VASP: variants seen among roughly 807,000 people sequenced by gnomAD.
VASP encodes the protein vasodilator-stimulated phosphoprotein.
A neutral mutation model predicts 54.4 loss-of-function variants in VASP; 27 were observed. That is an observed-to-expected ratio of 0.50 (90% confidence interval 0.37 to 0.68). The LOEUF is 0.68. VASP is among the 30% of genes least tolerant of loss of function. The pLI, the probability that VASP is intolerant of heterozygous loss-of-function variation, is 0.00. For missense variants in VASP, 488 were observed against 528.3 expected (o/e 0.92, Z 0.75); for synonymous variants, 233 against 209.8 (o/e 1.11, Z -0.96).
At chr19:45,509,683 C>T (rs1396771409) in intron 1 of VASP, among the ~76,000 whole-genome samples, 2 of 152,224 alleles carry the variant, frequency 1.3e-5, no homozygotes, top group Non-Finnish European at 2.9e-5. Context: ...CCACTCCCAC[C>T]TTTCCAGGGG....
chr19:45,523,623 T>C, intron 7 of VASP, 21 bp from the exon 8 acceptor site: 2 of 1,613,720 alleles, frequency 1.2e-6, no homozygotes, highest in Non-Finnish European at 1.7e-6. Flanking sequence ...AAGCACGTGT[T>C]TTTGCTTTTC....
At chr19:45,509,398 C>T (rs893313600) in intron 1 of VASP, among the ~76,000 whole-genome samples, 33 of 152,172 alleles carry the variant, frequency 2.2e-4, no homozygotes, top group African/African-American at 7.7e-4. Context: ...TCCACCCCCC[C>T]TCGCGTTTCC....
intron 3 of VASP, among the ~76,000 whole-genome samples, chr19:45,519,750 C>T (rs1568388656): frequency 1.4e-5 from 2 of 142,390 alleles, no homozygotes; most frequent in Admixed American, 6.7e-5. Flanking sequence ...CACCCGCCAC[C>T]ACATCCAGCT....
chr19:45,521,486 A>G, intron 4 of VASP, 80 bp downstream of exon 4: 1 of 1,286,576 alleles, frequency 7.8e-7, no homozygotes, highest in Non-Finnish European at 1.1e-6. Context: ...CCTAGAGTTC[A>G]GAACCCAGCC....
In VASP at chr19:45,526,046, T is replaced by C. The variant is rs538482733; in HGVS notation, c.1105+43T>C. Reference sequence around the variant, plus strand: ...GGTTTTGTTCTTAAACATTTACTTATTTTGGAGGCATCATGTCCCTGGGCA... The same window carrying C: ...GGTTTTGTTCTTAAACATTTACTTACTTTGGAGGCATCATGTCCCTGGGCA... On this transcript the variant is annotated intron_variant, in intron 12 of 12. Coordinates refer to ENST00000245932, the MANE Select transcript of VASP (RefSeq NM_003370.4). The C allele has an allele frequency of 3.7e-6, 6 of 1,613,376 alleles. No individual in the cohort carries two copies. In the African/African-American group the frequency reaches 8.0e-5, roughly 22 times the overall value.
rs1477173251 is a variant in VASP, at chr19:45,523,782, A to G, written c.874-59A>G. Reference sequence around the variant, plus strand: ...GGGATGTGTGGGGTTTGAACCTGAAAGAGGAAATGGGCAGAGGTGTGGCAG... The same window carrying G: ...GGGATGTGTGGGGTTTGAACCTGAAGGAGGAAATGGGCAGAGGTGTGGCAG... On this transcript the variant is annotated intron_variant, in intron 8 of 12. Transcript: ENST00000245932. 17 of 1,613,940 alleles carry G rather than the reference A, an allele frequency of 1.1e-5. No homozygotes were observed. The Admixed American group carries it at 2.2e-4, about 21-fold the overall frequency.
At chr19:45,513,503 G>A (rs572000055) in intron 1 of VASP, among the ~76,000 whole-genome samples, 21 of 114,670 alleles carry the variant, frequency 1.8e-4, no homozygotes, top group African/African-American at 6.6e-4. Flanking sequence ...ACAGAGTCTC[G>A]CTCTGTCTCC....
intron 1 of VASP, among the ~76,000 whole-genome samples, chr19:45,514,376 G>A (rs1968659884): frequency 6.8e-6 from 1 of 146,788 alleles, no homozygotes; most frequent in Non-Finnish European, 1.5e-5. Flanking sequence ...CACCTTGTAG[G>A]TTTTTGTTAG....
At chr19:45,523,223 G>A (rs60414600) in intron 7 of VASP, among the ~76,000 whole-genome samples, 6 of 52,828 alleles carry the variant, frequency 1.1e-4, no homozygotes, top group Middle Eastern at 0.02. Flanking sequence ...TTTTTTTTGA[G>A]ATGGAGTCTT....
intron 3 of VASP, 40 bp downstream of exon 3, chr19:45,518,134 G>C: frequency 6.3e-7 from 1 of 1,596,398 alleles, no homozygotes. Context: ...AGTGAATGCG[G>C]CTGTGTGGCC....
chr19:45,525,962 T>C lies in VASP; in HGVS notation c.1064T>C (p.Val355Ala). The change falls in exon 12 of 13, where the codon GTG (valine) becomes GCG (alanine). Residue 355 changes from valine (V) to alanine (A), a missense_variant. Physicochemically the swap from Val to Ala is moderately conservative, Grantham distance 64 (BLOSUM62 0). Around this residue, in one of 4 missense-constraint regions of VASP, gnomAD observed 126 missense variants for 134.8 expected, o/e 0.94. Transcript: ENST00000245932. ...QRVKQELLEE[V>A]KKELQKVKEE... is the part of the protein sequence containing the mutation. ...TAATTTTAGGAGCTTCTGGAAGAGGTGAAGAAGGAATTGCAGAAAGTGAAA... is the reference window on the plus strand; with the variant it reads ...TAATTTTAGGAGCTTCTGGAAGAGGCGAAGAAGGAATTGCAGAAAGTGAAA... The C allele has an allele frequency of 6.2e-7, 1 of 1,613,964 alleles. No homozygotes were observed. Among genetic ancestry groups the C allele is most frequent in the Non-Finnish European group, 8.5e-7 (1 of 1,179,960 alleles).
intron 1 of VASP, among the ~76,000 whole-genome samples, chr19:45,515,262 A>G (rs934886573): frequency 6.6e-6 from 1 of 151,852 alleles, no homozygotes; most frequent in Non-Finnish European, 1.5e-5. Context: ...CTGACCACCA[A>G]CTTCCCCATT....
At position 45,510,661 on chromosome 19, in the gene VASP, C is replaced by T. The variant is rs377537057; in HGVS notation, c.5+2885C>T. ...ATTAAACTCAAACAGGGCCAGGCGC[C>T]GGGGCTCATGCCTGTAATCCTAACA... On this transcript the variant is annotated intron_variant, in intron 1 of 12. Transcript: ENST00000245932. Among the ~76,000 whole-genome samples, 61 of 152,206 alleles carry T rather than the reference C, an allele frequency of 4.0e-4. 1 individual carries two copies. The South Asian group carries it at 0.012, about 31-fold the overall frequency.
At chr19:45,508,679 A>G (rs981285181) in intron 1 of VASP, among the ~76,000 whole-genome samples, 1 of 152,068 alleles carries the variant, frequency 6.6e-6, no homozygotes, top group Non-Finnish European at 1.5e-5. Flanking sequence ...CCCTTTGCTC[A>G]CCGTCCCCCT....
At chr19:45,524,075 C>T in intron 9 of VASP, 22 bp from the exon 10 acceptor site, 1 of 1,614,042 alleles carries the variant, frequency 6.2e-7, no homozygotes, top group Non-Finnish European at 8.5e-7. Flanking sequence ...CCTGATCTTT[C>T]TGATTTCTTG....
chr19:45,519,596 CTTT>C (rs35957572), intron 3 of VASP, among the ~76,000 whole-genome samples: 6 of 123,250 alleles, frequency 4.9e-5, no homozygotes, highest in South Asian at 2.7e-4. Flanking sequence ...AGCCCAGTTG[CTTT>C]TTTTTTTTTT....
chr19:45,516,043 A>T (rs1443733364), intron 1 of VASP, among the ~76,000 whole-genome samples: 1 of 151,918 alleles, frequency 6.6e-6, no homozygotes, highest in African/African-American at 2.4e-5. Flanking sequence ...GTTTACTGAC[A>T]CCTCCCACCC....
At position 45,507,620 on chromosome 19, in the gene VASP, C is replaced by A. The variant is rs1968511672; in HGVS notation, c.-152C>A. 1 of 969,040 alleles carries A rather than the reference C, an allele frequency of 1.0e-6. No homozygotes were observed. Among genetic ancestry groups the A allele is most frequent in the Non-Finnish European group, 1.5e-6 (1 of 686,130 alleles). 60.0% of individuals were successfully genotyped at this position (969,040 alleles called of 1,614,324 possible). On this transcript the variant is annotated 5_prime_UTR_variant, in exon 1 of 13. Coordinates refer to ENST00000245932, the MANE Select transcript of VASP (RefSeq NM_003370.4). The surrounding 1 kb of genome is among the most constrained non-coding windows in gnomAD (Gnocchi z 4.4). ...GCCCGGAGACCCGCCCCGGCCCGGTCCACATTCTCCCCAGGAAGCCGGACT... is the reference window on the plus strand; with the variant it reads ...GCCCGGAGACCCGCCCCGGCCCGGTACACATTCTCCCCAGGAAGCCGGACT...
In VASP at chr19:45,522,235, T is replaced by C. The variant is rs774860378; in HGVS notation, c.478+18T>C. 5 of 1,614,154 alleles carry C rather than the reference T, an allele frequency of 3.1e-6. No homozygotes were observed. Among genetic ancestry groups the C allele is most frequent in the Non-Finnish European group, 4.2e-6 (5 of 1,180,016 alleles). On this transcript the variant is annotated intron_variant, in intron 5 of 12. Coordinates refer to ENST00000245932, the MANE Select transcript of VASP (RefSeq NM_003370.4). ...CAATGCAGGTGATGCTCAGATAGCT[T>C]CGGGAGTTGGGAGGGGGCCTCCCTG...
Sources: allele counts gnomAD v4.1 joint callset (sites outside exome capture counted in the v4.1 genomes callset), GRCh38; gene constraint gnomAD v4.1.1; regional missense constraint gnomAD v4.1.1; non-coding constraint Gnocchi (gnomAD v3.1); transcripts MANE v1.5; gene names NCBI Gene and HGNC (gene_info 2026-07-23, HGNC 2026-07-21).